Variants in OPCML observed in about 807,000 individuals in gnomAD.
OPCML encodes opioid-binding protein/cell adhesion molecule.
Under a neutral mutation model 37.8 loss-of-function variants are expected in OPCML, and 13 were observed. The ratio of observed to expected loss-of-function variants is 0.34; its 90% confidence interval spans 0.22 to 0.55. The LOEUF is 0.55. Ranked by LOEUF, OPCML falls within the 20% of genes least tolerant of loss-of-function variation. OPCML has a pLI of 0.91. For synonymous variants in OPCML, 176 were observed against 168.8 expected (o/e 1.04, Z -0.33); for missense variants, 341 against 435.6 (o/e 0.78, Z 1.93).
At chr11:132,782,917 G>GTGTCTATA (rs376141259) in intron 2 of OPCML, among the ~76,000 whole-genome samples, 37 of 125,080 alleles carry the variant, frequency 3.0e-4, no homozygotes, top group African/African-American at 1.0e-3. Context: ...TATAGTGTGT[G>GTGTCTATA]TATATATATA....
intron 4 of OPCML, among the ~76,000 whole-genome samples, chr11:132,492,527 T>C (rs2096219392): frequency 6.6e-6 from 1 of 152,094 alleles, no homozygotes; most frequent in South Asian, 2.1e-4. Context: ...GTTGTCGTTG[T>C]TGTTGTTGTT....
At chr11:132,799,518 G>A (rs1938522908) in intron 2 of OPCML, among the ~76,000 whole-genome samples, 1 of 152,076 alleles carries the variant, frequency 6.6e-6, no homozygotes, top group Admixed American at 6.6e-5. Flanking sequence ...TTTTATAGGG[G>A]TGTGGTTTAT....
intron 4 of OPCML, among the ~76,000 whole-genome samples, chr11:132,483,982 T>A (rs1381639798): frequency 2.6e-5 from 4 of 152,062 alleles, no homozygotes; most frequent in Non-Finnish European, 4.4e-5. Context: ...AAACCTAGGC[T>A]TTACCGTTCA....
chr11:132,760,683 C>A (rs983065390), intron 2 of OPCML, among the ~76,000 whole-genome samples: 1 of 150,776 alleles, frequency 6.6e-6, no homozygotes, highest in Non-Finnish European at 1.5e-5. Flanking sequence ...ATATTTTGAG[C>A]CTATGTGTGT....
intron 1 of OPCML, among the ~76,000 whole-genome samples, chr11:133,375,877 A>T (rs1944791482): frequency 6.6e-6 from 1 of 152,176 alleles, no homozygotes; most frequent in African/African-American, 2.4e-5. Context: ...ATTTCAATGA[A>T]TTTGAAAAGT....
At chr11:133,327,095 G>T (rs1232674765) in intron 1 of OPCML, among the ~76,000 whole-genome samples, 1 of 136,736 alleles carries the variant, frequency 7.3e-6, no homozygotes, top group Non-Finnish European at 1.6e-5. Context: ...GGTATGTGGT[G>T]GTGTGTGTAT....
At chr11:133,442,239 T>C (rs1946379000) in intron 1 of OPCML, among the ~76,000 whole-genome samples, 1 of 152,312 alleles carries the variant, frequency 6.6e-6, no homozygotes, top group East Asian at 1.9e-4. Flanking sequence ...TTTTATTGTT[T>C]TTGTTTTTTC....
chr11:133,267,772 G>A (rs888349116), intron 1 of OPCML, among the ~76,000 whole-genome samples: 13 of 152,094 alleles, frequency 8.5e-5, no homozygotes, highest in African/African-American at 2.9e-4. Context: ...TCTCGAGATA[G>A]TGAATAAGTC....
At chr11:132,711,682 T>TGATATTTTAGTATGTGTGTGTAC (rs1257877937) in intron 2 of OPCML, among the ~76,000 whole-genome samples, 2 of 152,172 alleles carry the variant, frequency 1.3e-5, no homozygotes, top group Admixed American at 1.3e-4. Context: ...TGTGTGTGTA[T>TGATATTTTAGTATGTGTGTGTAC]GATATTTTAG....
intron 1 of OPCML, among the ~76,000 whole-genome samples, chr11:133,086,600 G>C (rs570299773): frequency 2.1e-4 from 32 of 150,978 alleles, no homozygotes; most frequent in South Asian, 1.0e-3. Context: ...TTGATGTAAT[G>C]CATGGTGTAA....
chr11:132,698,240 T>C (rs1943672702), intron 2 of OPCML, among the ~76,000 whole-genome samples: 1 of 152,106 alleles, frequency 6.6e-6, no homozygotes, highest in Admixed American at 6.6e-5. Flanking sequence ...ACAATGGCTA[T>C]ACCAATTCAA....
chr11:132,747,313 C>G (rs1018276057), intron 2 of OPCML, among the ~76,000 whole-genome samples: 1 of 152,002 alleles, frequency 6.6e-6, no homozygotes. Context: ...CATGAACAAC[C>G]GTGTAAAATT....
chr11:133,198,033 G>C (rs538908700), intron 1 of OPCML, among the ~76,000 whole-genome samples: 1 of 152,270 alleles, frequency 6.6e-6, no homozygotes, highest in South Asian at 2.1e-4. Flanking sequence ...CTTCCCCTGT[G>C]TAAGGTCCAC....
At chr11:132,543,476 G>A (rs2137383995) in intron 3 of OPCML, among the ~76,000 whole-genome samples, 1 of 151,990 alleles carries the variant, frequency 6.6e-6, no homozygotes, top group South Asian at 2.1e-4. Context: ...TTGTGCCACT[G>A]TACTCCAGCC....
At chr11:132,725,606 G>T (rs1007832505) in intron 2 of OPCML, among the ~76,000 whole-genome samples, 2 of 152,000 alleles carry the variant, frequency 1.3e-5, no homozygotes, top group Non-Finnish European at 2.9e-5. Context: ...CTATTGCATT[G>T]TTAGGCTGCA....
chr11:133,209,203 A>T (rs939834677), intron 1 of OPCML, among the ~76,000 whole-genome samples: 1 of 152,228 alleles, frequency 6.6e-6, no homozygotes, highest in East Asian at 1.9e-4. Context: ...ATTAAAAACT[A>T]TATAAGGACA....
intron 2 of OPCML, chr11:132,771,767 T>C (rs1946642208): frequency 6.6e-6 from 1 of 152,240 alleles, no homozygotes; most frequent in African/African-American, 2.4e-5. Context: ...CTGACTTAAT[T>C]GCCCAGACTG....
At chr11:132,955,896 AG>A (rs1374098845) in intron 1 of OPCML, among the ~76,000 whole-genome samples, 1 of 152,222 alleles carries the variant, frequency 6.6e-6, no homozygotes. Context: ...AACAAAACAA[AG>A]AAAATGCTGA....
At chr11:132,728,360 G>T (rs897567232) in intron 2 of OPCML, among the ~76,000 whole-genome samples, 2 of 152,144 alleles carry the variant, frequency 1.3e-5, no homozygotes, top group Non-Finnish European at 2.9e-5. Context: ...GGGAATCTGA[G>T]GCCCTGGAAT....
Sources: gnomAD v4.1 joint callset for allele counts (sites outside exome capture counted in the v4.1 genomes callset) on GRCh38, gnomAD v4.1.1 for gene constraint, MANE v1.5 for transcripts, NCBI Gene and HGNC (gene_info 2026-07-23, HGNC 2026-07-21) for gene names.